RBFOX1: variants seen among roughly 807,000 people sequenced by gnomAD.
The protein encoded by RBFOX1 is RNA binding fox-1 homolog 1.
In RBFOX1, 8 loss-of-function variants were observed where a neutral mutation model predicts 57.7. The observed-to-expected ratio is 0.14, with a 90% CI of 0.08 to 0.25. The LOEUF is 0.25. Ranked by LOEUF, RBFOX1 falls within the 10% of genes least tolerant of loss-of-function variation. The pLI is 1.00. For synonymous variants in RBFOX1, 326 were observed against 222.4 expected, an observed-to-expected ratio of 1.47 and a Z score of -4.15; for missense variants, 611 against 548.5, an observed-to-expected ratio of 1.11 and a Z score of -1.14.
intron 4 of RBFOX1, among the ~76,000 whole-genome samples, chr16:7,158,796 G>A (rs781448208): frequency 5.4e-4 from 82 of 151,966 alleles, no homozygotes; most frequent in Non-Finnish European, 9.7e-4. Flanking sequence ...ATGCATATGC[G>A]TTTGTGTGGT....
intron 1 of RBFOX1, among the ~76,000 whole-genome samples, chr16:6,228,561 A>G (rs902649512): frequency 6.6e-6 from 1 of 152,186 alleles, no homozygotes; most frequent in African/African-American, 2.4e-5. Flanking sequence ...TAAGCCAGAC[A>G]TAGAAAGACA....
At chr16:7,235,739 T>G (rs2093734230) in intron 4 of RBFOX1, among the ~76,000 whole-genome samples, 1 of 152,190 alleles carries the variant, frequency 6.6e-6, no homozygotes, top group Non-Finnish European at 1.5e-5. Context: ...ATTTATATAT[T>G]AAGGGTTGAC....
At position 7,466,793 on chromosome 16, in the gene RBFOX1, C is replaced by G. The variant is rs147569453; in HGVS notation, c.28-51354C>G. 4.4e-4 allele frequency among the ~76,000 whole-genome samples: 67 copies of G among 152,284 alleles called. 1 individual carries two copies. The highest frequency in any genetic ancestry group is 6.8e-3 in the Middle Eastern group (2 of 294). ...GAGTTATTTGATTAAACAAGCTGCT[C>G]TGATTATATACACAATGCTAGGTTG... On this transcript the variant is annotated intron_variant, in intron 4 of 15. Transcript: ENST00000550418.
At chr16:6,202,404 T>A (rs2097220933) in intron 1 of RBFOX1, among the ~76,000 whole-genome samples, 1 of 152,160 alleles carries the variant, frequency 6.6e-6, no homozygotes, top group Admixed American at 6.5e-5. Context: ...TAAAGGTGCT[T>A]TGAGGTTATT....
intron 3 of RBFOX1, among the ~76,000 whole-genome samples, chr16:6,966,351 G>T (rs1226704961): frequency 6.6e-6 from 1 of 152,094 alleles, no homozygotes; most frequent in Non-Finnish European, 1.5e-5. Flanking sequence ...AGCACACACA[G>T]TCTAGTTTGA....
intron 4 of RBFOX1, among the ~76,000 whole-genome samples, chr16:7,189,254 T>C (rs2084712906): frequency 6.6e-6 from 1 of 151,294 alleles, no homozygotes; most frequent in African/African-American, 2.4e-5. Flanking sequence ...TGAAACCCCA[T>C]CTCTACTAAA....
chr16:6,604,554 A>G (rs2097900495), intron 2 of RBFOX1, among the ~76,000 whole-genome samples: 1 of 152,250 alleles, frequency 6.6e-6, no homozygotes, highest in African/African-American at 2.4e-5. Context: ...TACTTTAGAA[A>G]ATAAATGAAT....
intron 5 of RBFOX1, among the ~76,000 whole-genome samples, chr16:7,546,862 A>G (rs755208947): frequency 6.6e-6 from 1 of 152,160 alleles, no homozygotes; most frequent in African/African-American, 2.4e-5. Context: ...TCTTTCTGCA[A>G]ATCTCTGCAC....
At chr16:5,473,304 A>C (rs1192471301) in intron 2 of RBFOX1, among the ~76,000 whole-genome samples, 1 of 152,208 alleles carries the variant, frequency 6.6e-6, no homozygotes, top group Non-Finnish European at 1.5e-5. Context: ...TTAGGTGAGA[A>C]ACAGACCTTA....
chr16:6,738,914 C>T (rs993565957), intron 3 of RBFOX1, among the ~76,000 whole-genome samples: 2 of 152,090 alleles, frequency 1.3e-5, no homozygotes, highest in African/African-American at 4.8e-5. Flanking sequence ...TCTCATAATA[C>T]ATTTTAAAAA....
At chr16:5,462,288 C>T (rs1330631468) in intron 1 of RBFOX1, among the ~76,000 whole-genome samples, 6 of 151,578 alleles carry the variant, frequency 4.0e-5, no homozygotes, top group Non-Finnish European at 8.8e-5. Flanking sequence ...CCTGCCTCAG[C>T]CTCCCGAGTA....
At chr16:5,821,497 C>T (rs1291511768) in intron 3 of RBFOX1, among the ~76,000 whole-genome samples, 4 of 151,946 alleles carry the variant, frequency 2.6e-5, no homozygotes, top group Non-Finnish European at 4.4e-5. Flanking sequence ...GACATGAGGT[C>T]TTGCTATGGT....
At chr16:6,600,426 A>G (rs1037374217) in intron 2 of RBFOX1, among the ~76,000 whole-genome samples, 2 of 152,294 alleles carry the variant, frequency 1.3e-5, no homozygotes, top group Non-Finnish European at 2.9e-5. Context: ...ATGACCTCTC[A>G]TTCTGCACAC....
chr16:5,395,928 G>A (rs2066540174), intron 1 of RBFOX1, among the ~76,000 whole-genome samples: 1 of 152,162 alleles, frequency 6.6e-6, no homozygotes, highest in Non-Finnish European at 1.5e-5. Flanking sequence ...AAATTTTGCT[G>A]ACAACCCTCG....
chr16:7,478,504 AG>A (rs1752370382), intron 4 of RBFOX1, among the ~76,000 whole-genome samples: 1 of 152,168 alleles, frequency 6.6e-6, no homozygotes. Flanking sequence ...GAGGCTAGAG[AG>A]GGGGAGTCCC....
intron 3 of RBFOX1, among the ~76,000 whole-genome samples, chr16:6,847,760 C>A (rs974146078): frequency 2.0e-5 from 3 of 152,120 alleles, no homozygotes; most frequent in Non-Finnish European, 4.4e-5. Context: ...TGTTTTAAAA[C>A]AGTCACGTGT....
At chr16:5,644,861 G>A (rs951887582) in intron 3 of RBFOX1, among the ~76,000 whole-genome samples, 15 of 152,170 alleles carry the variant, frequency 9.9e-5, no homozygotes, top group African/African-American at 3.6e-4. Context: ...TCATGTGCGA[G>A]TTTTTGTCTG....
chr16:5,856,381 G>T (rs996114498), intron 3 of RBFOX1, among the ~76,000 whole-genome samples: 1 of 136,652 alleles, frequency 7.3e-6, no homozygotes, highest in African/African-American at 2.7e-5. Context: ...TGCTTGGTGA[G>T]AACACATAAG....
chr16:7,332,183 G>A (rs1006127696), intron 4 of RBFOX1, among the ~76,000 whole-genome samples: 1 of 152,210 alleles, frequency 6.6e-6, no homozygotes, highest in African/African-American at 2.4e-5. Context: ...GCACTGCCTT[G>A]TACGAGCTAT....
Sources: gnomAD v4.1 joint callset for allele counts (sites outside exome capture counted in the v4.1 genomes callset) on GRCh38, gnomAD v4.1.1 for gene constraint, MANE v1.5 for transcripts, NCBI Gene and HGNC (gene_info 2026-07-23, HGNC 2026-07-21) for gene names.